The following DGKI variants were observed in gnomAD, a reference collection of about 807,000 sequenced individuals.
The protein encoded by DGKI is DAG kinase iota.
Under a neutral mutation model 147.5 loss-of-function variants are expected in DGKI, and 55 were observed. The observed-to-expected ratio is 0.37, with a 90% CI of 0.30 to 0.47. The LOEUF is 0.47. Ranked by LOEUF, DGKI falls within the 20% of genes least tolerant of loss-of-function variation. The pLI, the probability that DGKI is intolerant of heterozygous loss-of-function variation, is 1.00. For missense variants in DGKI, 1,007 were observed against 1,323.8 expected (o/e 0.76, Z 3.71); for synonymous variants, 469 against 477.1 (o/e 0.98, Z 0.22).
chr7:137,483,628 G>T (rs1327029873), intron 23 of DGKI, among the ~76,000 whole-genome samples: 1 of 152,100 alleles, frequency 6.6e-6, no homozygotes, highest in East Asian at 1.9e-4. Context: ...CCTAGTGTGT[G>T]TTGTTCCCCT....
intron 29 of DGKI, among the ~76,000 whole-genome samples, chr7:137,411,583 A>G (rs1163423759): frequency 2.0e-5 from 3 of 152,190 alleles, no homozygotes; most frequent in Non-Finnish European, 4.4e-5. Context: ...CAGACAGTGA[A>G]TGGTAGAGCC....
intron 29 of DGKI, among the ~76,000 whole-genome samples, chr7:137,409,016 G>A (rs1812065711): frequency 2.0e-5 from 3 of 152,258 alleles, no homozygotes; most frequent in East Asian, 1.9e-4. Context: ...TGACCTAAAT[G>A]CAAAGAATAA....
chr7:137,787,756 C>T (rs1425837809), intron 1 of DGKI, among the ~76,000 whole-genome samples: 1 of 152,088 alleles, frequency 6.6e-6, no homozygotes, highest in African/African-American at 2.4e-5. Flanking sequence ...GGTGTATATA[C>T]AGACGGAATA....
chr7:137,382,716 C>T lies in DGKI; in HGVS notation c.*8504G>A, dbSNP rs1585063308. 1 of 152,040 alleles carries T rather than the reference C, an allele frequency of 6.6e-6. No individual in the cohort carries two copies. The highest frequency in any genetic ancestry group is 2.4e-5 in the African/African-American group (1 of 41,502). 9.4% of individuals were successfully genotyped at this position (152,040 alleles called of 1,614,324 possible). On this transcript the variant is annotated 3_prime_UTR_variant, in exon 33 of 33. Coordinates refer to ENST00000614521, the MANE Select transcript of DGKI (RefSeq NM_001321708.2). ...TTTTGAGAATCTTTTTTCCTTTCCTCACAACTCTGCCCCTCTTTTATGCCC... is the reference window on the plus strand; with the variant it reads ...TTTTGAGAATCTTTTTTCCTTTCCTTACAACTCTGCCCCTCTTTTATGCCC...
chr7:137,787,315 T>C (rs1170902572), intron 1 of DGKI, among the ~76,000 whole-genome samples: 1 of 151,874 alleles, frequency 6.6e-6, no homozygotes, highest in Non-Finnish European at 1.5e-5. Context: ...AGGACAGGCA[T>C]AGACAATTCT....
intron 21 of DGKI, among the ~76,000 whole-genome samples, chr7:137,488,726 T>C (rs996519417): frequency 6.6e-6 from 1 of 152,056 alleles, no homozygotes; most frequent in Non-Finnish European, 1.5e-5. Flanking sequence ...TGTCTGAAAA[T>C]ACAAAGTACT....
intron 21 of DGKI, among the ~76,000 whole-genome samples, chr7:137,510,520 A>G (rs1816544868): frequency 6.6e-6 from 1 of 152,254 alleles, no homozygotes; most frequent in African/African-American, 2.4e-5. Flanking sequence ...AATCTTGGCT[A>G]CATGGCCAGG....
intron 1 of DGKI, among the ~76,000 whole-genome samples, chr7:137,818,267 A>G (rs939183973): frequency 6.6e-6 from 1 of 152,212 alleles, no homozygotes; most frequent in Non-Finnish European, 1.5e-5. Context: ...TCAAAAGTTC[A>G]ATAAGCATAA....
At chr7:137,625,452 T>TC (rs1383872032) in intron 6 of DGKI, among the ~76,000 whole-genome samples, 1 of 151,190 alleles carries the variant, frequency 6.6e-6, no homozygotes, top group Non-Finnish European at 1.5e-5. Flanking sequence ...AGAGCAAGAC[T>TC]CCATCTCAAA....
At chr7:137,765,697 T>C (rs1795994443) in intron 1 of DGKI, among the ~76,000 whole-genome samples, 1 of 152,198 alleles carries the variant, frequency 6.6e-6, no homozygotes, top group Non-Finnish European at 1.5e-5. Context: ...ATAGAGATGA[T>C]GCAGCTGAAT....
intron 21 of DGKI, among the ~76,000 whole-genome samples, chr7:137,514,138 C>T (rs1205030940): frequency 6.6e-6 from 1 of 152,050 alleles, no homozygotes; most frequent in Non-Finnish European, 1.5e-5. Flanking sequence ...TGGTCCTCTG[C>T]CCTGGACCTG....
intron 28 of DGKI, among the ~76,000 whole-genome samples, chr7:137,428,825 C>G (rs1471823689): frequency 2.0e-5 from 3 of 151,984 alleles, no homozygotes; most frequent in Non-Finnish European, 4.4e-5. Context: ...GAATAAAATA[C>G]CTAGGAATCC....
intron 1 of DGKI, among the ~76,000 whole-genome samples, chr7:137,732,228 G>A (rs960634616): frequency 3.3e-5 from 5 of 151,860 alleles, no homozygotes; most frequent in Non-Finnish European, 7.4e-5. Flanking sequence ...TTCATACCAC[G>A]GAGGCTTATA....
At chr7:137,592,654 A>G (rs1207163292) in intron 12 of DGKI, among the ~76,000 whole-genome samples, 1 of 152,230 alleles carries the variant, frequency 6.6e-6, no homozygotes, top group Non-Finnish European at 1.5e-5. Context: ...AAAGCGAAGG[A>G]CACTCACGTT....
chr7:137,618,392 ACT>A (rs955086307), intron 8 of DGKI, among the ~76,000 whole-genome samples: 11 of 150,636 alleles, frequency 7.3e-5, no homozygotes, highest in South Asian at 4.2e-4. Flanking sequence ...CCTGCCTGCT[ACT>A]CTCTCTCTAC....
chr7:137,718,367 C>G (rs1794445900), intron 1 of DGKI, among the ~76,000 whole-genome samples: 1 of 152,132 alleles, frequency 6.6e-6, no homozygotes, highest in East Asian at 1.9e-4. Flanking sequence ...CAAAGGTGGC[C>G]CCTTAGAGGA....
intron 1 of DGKI, among the ~76,000 whole-genome samples, chr7:137,706,099 CT>C (rs1794012366): frequency 6.6e-6 from 1 of 151,502 alleles, no homozygotes; most frequent in Non-Finnish European, 1.5e-5. Context: ...AAATATTTAT[CT>C]TTTTTAAAGA....
At chr7:137,623,971 A>G (rs1023377087) in intron 6 of DGKI, among the ~76,000 whole-genome samples, 3 of 152,150 alleles carry the variant, frequency 2.0e-5, no homozygotes, top group Non-Finnish European at 4.4e-5. Context: ...GAACCCAGAA[A>G]AAAAAAAAGA....
At chr7:137,522,041 G>A (rs1305569227) in intron 20 of DGKI, 75 bp from the exon 21 acceptor site, 1 of 1,010,846 alleles carries the variant, frequency 9.9e-7, no homozygotes, top group Non-Finnish European at 1.5e-6. Flanking sequence ...AAGGAATAAG[G>A]GCAATATTGT....
Sources: allele counts gnomAD v4.1 joint callset (sites outside exome capture counted in the v4.1 genomes callset), GRCh38; gene constraint gnomAD v4.1.1; transcripts MANE v1.5; gene names NCBI Gene and HGNC (gene_info 2026-07-23, HGNC 2026-07-21).